Variants in SLC37A1 observed in about 807,000 individuals in gnomAD.
SLC37A1 encodes glucose-6-phosphate exchanger SLC37A1.
Under a neutral mutation model 75.3 loss-of-function variants are expected in SLC37A1, and 49 were observed. The observed-to-expected ratio is 0.65, with a 90% CI of 0.52 to 0.83. The LOEUF is 0.83. Among genes scored for constraint, SLC37A1 ranks in the 40% least tolerant of loss-of-function variants. The pLI is 0.00. For missense variants in SLC37A1, 566 were observed against 695.0 expected (o/e 0.81, Z 2.09); for synonymous variants, 268 against 292.1 (o/e 0.92, Z 0.84).
At chr21:42,563,221 G>A (rs2055878601) in intron 12 of SLC37A1, among the ~76,000 whole-genome samples, 1 of 152,166 alleles carries the variant, frequency 6.6e-6, no homozygotes, top group Non-Finnish European at 1.5e-5. Context: ...GTTGCAAAAG[G>A]GGTGACGTTC....
chr21:42,549,848 A>G (rs577604721), intron 9 of SLC37A1, among the ~76,000 whole-genome samples: 56 of 152,362 alleles, frequency 3.7e-4, no homozygotes, highest in Non-Finnish European at 7.2e-4. Context: ...ATTTTTTCCA[A>G]TATTTTAAAG....
At chr21:42,560,397 A>C (rs981078459) in intron 11 of SLC37A1, 1 of 152,510 alleles carries the variant, frequency 6.6e-6, no homozygotes, top group African/African-American at 2.4e-5. Context: ...GCTCTCCAGC[A>C]CTGACAGCCA....
chr21:42,563,799 G>C lies in SLC37A1; in HGVS notation c.1073-16G>C. ...GGAGATCCTCACTGTTTCACACTCC[G>C]TTGTCATTTCAATAGATCACCTTGA... On this transcript the variant is annotated splice_polypyrimidine_tract_variant and intron_variant, in intron 12 of 19. Transcript: ENST00000352133. 1.2e-6 allele frequency: 2 copies of C among 1,613,916 alleles called. No homozygotes were observed. The highest frequency in any genetic ancestry group is 1.7e-6 in the Non-Finnish European group (2 of 1,179,826).
intron 18 of SLC37A1, among the ~76,000 whole-genome samples, chr21:42,578,294 C>T (rs574502242): frequency 4.5e-4 from 69 of 152,330 alleles, no homozygotes; most frequent in African/African-American, 1.6e-3. Context: ...AGGGCCCCTC[C>T]TTGTTGGTCA....
chr21:42,563,081 G>C lies in SLC37A1; in HGVS notation c.1073-734G>C, dbSNP rs79757217. Among the ~76,000 whole-genome samples the C allele has an allele frequency of 2.5e-3, 378 of 152,254 alleles. 3 individuals are homozygous for C. The highest frequency in any genetic ancestry group is 8.7e-3 in the African/African-American group (361 of 41,562). On this transcript the variant is annotated intron_variant, in intron 12 of 19. Coordinates refer to ENST00000352133, the MANE Select transcript of SLC37A1 (RefSeq NM_001320537.2). Reference sequence around the variant, plus strand: ...AGCAGGGACAGGGCCTGCCCCAAGGGCCAGTGACTGGGGAGGCAGCAAGGA... The same window carrying C: ...AGCAGGGACAGGGCCTGCCCCAAGGCCCAGTGACTGGGGAGGCAGCAAGGA...
chr21:42,527,528 C>T (rs1312269365), intron 3 of SLC37A1, among the ~76,000 whole-genome samples: 1 of 152,106 alleles, frequency 6.6e-6, no homozygotes, highest in Non-Finnish European at 1.5e-5. Flanking sequence ...CTTACAGAGC[C>T]CTGGGGTATG....
intron 14 of SLC37A1, 85 bp downstream of exon 14, chr21:42,564,878 GC>G (rs2055935178): frequency 7.6e-7 from 1 of 1,310,048 alleles, no homozygotes; most frequent in African/African-American, 1.5e-5. Flanking sequence ...CTTCCATCTG[GC>G]CCGTGCTCCA....
In SLC37A1 at chr21:42,515,974, G is replaced by A. The variant is rs187845259; in HGVS notation, c.-179+1257G>A. Among the ~76,000 whole-genome samples, 823 of 152,236 alleles carry A rather than the reference G, an allele frequency of 5.4e-3. 9 individuals are homozygous for A. The highest frequency in any genetic ancestry group is 9.6e-3 in the Non-Finnish European group (655 of 68,022). ...GGATTTTGCCATATTGGCCATGCTGGTCTCGAACTCCTGGCCTCAAGTGAT... is the reference window on the plus strand; with the variant it reads ...GGATTTTGCCATATTGGCCATGCTGATCTCGAACTCCTGGCCTCAAGTGAT... On this transcript the variant is annotated intron_variant, in intron 1 of 19. Transcript: ENST00000352133.
chr21:42,574,723 T>A, intron 17 of SLC37A1, 95 bp from the exon 18 acceptor site: 2 of 1,160,576 alleles, frequency 1.7e-6, no homozygotes, highest in Non-Finnish European at 2.5e-6. Flanking sequence ...CCTTTCATTG[T>A]GAGTGAGGTG....
Position 42,547,892 on chromosome 21 carries a change from C to T in SLC37A1, c.768+752C>T, listed in dbSNP as rs1461853828. 1.3e-5 allele frequency among the ~76,000 whole-genome samples: 2 copies of T among 152,208 alleles called. No individual in the cohort carries two copies. The highest frequency in any genetic ancestry group is 4.8e-5 in the African/African-American group (2 of 41,446). On this transcript the variant is annotated intron_variant, in intron 9 of 19. Coordinates refer to ENST00000352133, the MANE Select transcript of SLC37A1 (RefSeq NM_001320537.2). The surrounding 1 kb of genome is among the most constrained non-coding windows in gnomAD (Gnocchi z 6.1). Reference sequence around the variant, plus strand: ...CATGTCCACTGGCATGACACCCCTCCTGTCTGCAGGCCACCGCCACCTCAC... The same window carrying T: ...CATGTCCACTGGCATGACACCCCTCTTGTCTGCAGGCCACCGCCACCTCAC...
chr21:42,573,730 A>C (rs1219320977), intron 17 of SLC37A1, among the ~76,000 whole-genome samples: 1 of 152,156 alleles, frequency 6.6e-6, no homozygotes, highest in African/African-American at 2.4e-5. Flanking sequence ...TCAGAGTTGA[A>C]TATGTCAGTT....
At chr21:42,524,401 T>G (rs1384144442) in intron 2 of SLC37A1, among the ~76,000 whole-genome samples, 3 of 152,272 alleles carry the variant, frequency 2.0e-5, no homozygotes, top group Non-Finnish European at 4.4e-5. Context: ...TCATGCTGAC[T>G]CTTTCGGCTG....
At position 42,544,479 on chromosome 21, in the gene SLC37A1, CTG is replaced by C. The variant is rs574906452; in HGVS notation, c.730+880_730+881del. ...TTAAGGTAACCATCATCTGGCCACA[CTG>C]TGAGTTTGGAGACTCTCACCCCATG... On this transcript the variant is annotated intron_variant, in intron 8 of 19. Coordinates refer to ENST00000352133, the MANE Select transcript of SLC37A1 (RefSeq NM_001320537.2). 7.0e-4 allele frequency among the ~76,000 whole-genome samples: 107 copies of C among 152,358 alleles called. 1 individual carries two copies. Among genetic ancestry groups the C allele is most frequent in the African/African-American group, 2.5e-3 (102 of 41,586 alleles).
intron 13 of SLC37A1, among the ~76,000 whole-genome samples, chr21:42,564,235 A>AAATAAAAT (rs2055913911): frequency 2.6e-5 from 4 of 151,434 alleles, no homozygotes; most frequent in African/African-American, 9.7e-5. Context: ...AAAAAAAAAA[A>AAATAAAAT]AAAAGCATAG....
upstream of SLC37A1, among the ~76,000 whole-genome samples, chr21:42,510,295 GGATTACAGGCGAGAGCC>G (rs2054421855): frequency 6.6e-6 from 1 of 152,108 alleles, no homozygotes; most frequent in Non-Finnish European, 1.5e-5. Context: ...CAAAGTGCTG[GGATTACAGGCGAGAGCC>G]ATAGCGCCTG....
chr21:42,575,356 C>T lies in SLC37A1; in HGVS notation c.1521+441C>T, dbSNP rs1000226812. On this transcript the variant is annotated intron_variant, in intron 18 of 19. Transcript: ENST00000352133. Reference sequence around the variant, plus strand: ...GGTCATCAGTGTCCTGGTGTCCCTCCTGCAGCCATGCTGTCAGACGGCGGG... The same window carrying T: ...GGTCATCAGTGTCCTGGTGTCCCTCTTGCAGCCATGCTGTCAGACGGCGGG... The T allele has an allele frequency of 7.1e-6, 7 of 985,366 alleles. No individual in the cohort carries two copies. In the South Asian group the frequency reaches 3.3e-4, roughly 46 times the overall value. The allele number at this position is 985,366 out of a possible 1,614,324, so 61.0% of individuals were successfully genotyped here. A position where few individuals can be genotyped will look rare whatever the true frequency, so the allele number is the denominator to read the frequency against.
intron 18 of SLC37A1, among the ~76,000 whole-genome samples, chr21:42,579,338 A>G (rs1048818767): frequency 6.6e-6 from 1 of 152,192 alleles, no homozygotes. Context: ...AGGTCCACCC[A>G]CTGGGCCACC....
chr21:42,579,120 A>C (rs969421167), intron 18 of SLC37A1, among the ~76,000 whole-genome samples: 2 of 152,234 alleles, frequency 1.3e-5, no homozygotes, highest in African/African-American at 4.8e-5. Context: ...GCCCTCAAAC[A>C]TGTGAAGGGC....
At chr21:42,525,627 A>G (rs1010180467) in intron 2 of SLC37A1, 149 bp from the exon 3 acceptor site, 27 of 620,782 alleles carry the variant, frequency 4.3e-5, no homozygotes, top group Non-Finnish European at 6.2e-5. Flanking sequence ...TAATGTTCCA[A>G]TATTATAGTG....
Sources: gnomAD v4.1 joint callset for allele counts (sites outside exome capture counted in the v4.1 genomes callset) on GRCh38, gnomAD v4.1.1 for gene constraint, Gnocchi (gnomAD v3.1) non-coding constraint, MANE v1.5 for transcripts, NCBI Gene and HGNC (gene_info 2026-07-23, HGNC 2026-07-21) for gene names.